Variants in GABRB2 observed in about 807,000 individuals in gnomAD.
The protein encoded by GABRB2 is gamma-aminobutyric acid receptor subunit beta-2.
In GABRB2, 16 loss-of-function variants were observed where a neutral mutation model predicts 54.7. That is an observed-to-expected ratio of 0.29 (90% CI 0.20 to 0.44). The LOEUF is 0.44. GABRB2 is among the 20% of genes least tolerant of loss of function. The probability of loss-of-function intolerance (pLI) is 1.00; values close to 1 mark genes in which losing one functional copy is unlikely to be tolerated. For missense variants in GABRB2, 355 were observed against 644.0 expected (o/e 0.55, Z 4.86); for synonymous variants, 244 against 233.8 (o/e 1.04, Z -0.40).
intron 9 of GABRB2, among the ~76,000 whole-genome samples, chr5:161,311,389 CAGAT>C (rs3024253): frequency 0.13 from 19,332 of 152,182 alleles, 1,727 homozygotes; most frequent in African/African-American, 0.22. Context: ...ATGTGCAACT[CAGAT>C]AGAGAAATCT....
At chr5:161,412,238 G>A (rs1384212024) in intron 4 of GABRB2, among the ~76,000 whole-genome samples, 1 of 152,186 alleles carries the variant, frequency 6.6e-6, no homozygotes, top group Non-Finnish European at 1.5e-5. Flanking sequence ...GTGCAGAATG[G>A]AAACATGTGA....
At chr5:161,428,418 C>G (rs917718452) in intron 4 of GABRB2, among the ~76,000 whole-genome samples, 2 of 151,796 alleles carry the variant, frequency 1.3e-5, no homozygotes, top group African/African-American at 2.4e-5. Flanking sequence ...ACTGGTTCAT[C>G]CTGCATATTT....
chr5:161,295,570 C>T (rs1757360088), intron 9 of GABRB2, among the ~76,000 whole-genome samples: 1 of 152,050 alleles, frequency 6.6e-6, no homozygotes, highest in East Asian at 1.9e-4. Flanking sequence ...TATATGGAAA[C>T]AAGGCATATA....
intron 9 of GABRB2, among the ~76,000 whole-genome samples, chr5:161,312,744 T>C (rs890966178): frequency 2.6e-5 from 4 of 152,182 alleles, no homozygotes; most frequent in Non-Finnish European, 5.9e-5. Flanking sequence ...ATTTGTATTA[T>C]TAGGCAAACA....
chr5:161,451,634 A>C (rs1286949511), intron 4 of GABRB2, among the ~76,000 whole-genome samples: 2 of 152,204 alleles, frequency 1.3e-5, no homozygotes, highest in Non-Finnish European at 2.9e-5. Context: ...TATAAAAACC[A>C]TAAGCCATAT....
At chr5:161,525,652 T>C (rs1760254961) in intron 3 of GABRB2, among the ~76,000 whole-genome samples, 3 of 151,428 alleles carry the variant, frequency 2.0e-5, no homozygotes, top group East Asian at 3.9e-4. Context: ...TAATGCATAA[T>C]AGCATGGGAT....
At chr5:161,396,142 G>C (rs912940697) in intron 5 of GABRB2, among the ~76,000 whole-genome samples, 2 of 152,140 alleles carry the variant, frequency 1.3e-5, no homozygotes, top group Admixed American at 6.6e-5. Flanking sequence ...TGCACACAAT[G>C]GTTAACCAAA....
chr5:161,310,649 ACACACATGCACACGCACGCG>A, intron 9 of GABRB2, among the ~76,000 whole-genome samples: 1 of 145,538 alleles, frequency 6.9e-6, no homozygotes. Flanking sequence ...TTTCGTGTAC[ACACACATGCACACGCACGCG>A]CACGCGCGCA....
At chr5:161,364,135 T>C (rs1284574025) in intron 5 of GABRB2, among the ~76,000 whole-genome samples, 1 of 151,986 alleles carries the variant, frequency 6.6e-6, no homozygotes, top group East Asian at 1.9e-4. Flanking sequence ...CCACACTATG[T>C]CATTTTTAAT....
intron 9 of GABRB2, among the ~76,000 whole-genome samples, chr5:161,299,364 C>T (rs183754422): frequency 4.1e-4 from 63 of 152,246 alleles, no homozygotes; most frequent in African/African-American, 1.4e-3. Context: ...AATGGCATGC[C>T]GTGAGTCTTC....
intron 8 of GABRB2, 34 bp from the exon 9 acceptor site, chr5:161,326,515 T>A (rs1181602845): frequency 6.2e-7 from 1 of 1,604,718 alleles, no homozygotes. Context: ...GCTAATTAAG[T>A]CGATTGATGC....
chr5:161,470,827 C>T lies in GABRB2; in HGVS notation c.238-10983G>A, dbSNP rs1758415821. On this transcript the variant is annotated intron_variant, in intron 3 of 9. Coordinates refer to ENST00000393959, the MANE Select transcript of GABRB2 (RefSeq NM_001371727.1). ...GAAACCTGAGATAAGGGGAAACTACCATACTATGCTCCCGAAGTCAGAAAC... is the reference window on the plus strand; with the variant it reads ...GAAACCTGAGATAAGGGGAAACTACTATACTATGCTCCCGAAGTCAGAAAC... Among the ~76,000 whole-genome samples the T allele has an allele frequency of 2.0e-5, 3 of 151,938 alleles. No individual in the cohort carries two copies. The South Asian group carries it at 6.2e-4, about 31-fold the overall frequency.
rs763386343 is a variant in GABRB2 at position 161,412,420 on chromosome 5, T to TC, written c.459-1364dup. ...CCGATTCCTTACCATCTCCACTGCC[T>TC]CCCCTCTGAGTCTACATCCCCGATG... On this transcript the variant is annotated intron_variant, in intron 4 of 9. Transcript: ENST00000393959. Among the ~76,000 whole-genome samples, 106 of 152,074 alleles carry TC rather than the reference T, an allele frequency of 7.0e-4. 1 individual carries two copies. The highest frequency in any genetic ancestry group is 1.4e-3 in the Non-Finnish European group (95 of 67,998).
At chr5:161,299,819 C>G (rs1372680015) in intron 9 of GABRB2, among the ~76,000 whole-genome samples, 1 of 152,132 alleles carries the variant, frequency 6.6e-6, no homozygotes, top group Non-Finnish European at 1.5e-5. Flanking sequence ...CTCAACAACT[C>G]TATAAGACAG....
chr5:161,301,883 G>C (rs1403660600), intron 9 of GABRB2, among the ~76,000 whole-genome samples: 1 of 152,162 alleles, frequency 6.6e-6, no homozygotes, highest in Non-Finnish European at 1.5e-5. Flanking sequence ...TCCTGACAAG[G>C]TTTTTTGGAG....
chr5:161,447,337 T>A (rs1757664086), intron 4 of GABRB2, among the ~76,000 whole-genome samples: 1 of 152,154 alleles, frequency 6.6e-6, no homozygotes, highest in Non-Finnish European at 1.5e-5. Context: ...CACAGATGCC[T>A]CCTAGTATTT....
intron 5 of GABRB2, among the ~76,000 whole-genome samples, chr5:161,383,254 T>A (rs183591324): frequency 6.6e-6 from 1 of 152,302 alleles, no homozygotes; most frequent in East Asian, 1.9e-4. Flanking sequence ...TTGATCAACA[T>A]GTCTTCATTT....
chr5:161,323,170 C>T (rs552530582), intron 9 of GABRB2, among the ~76,000 whole-genome samples: 12 of 151,690 alleles, frequency 7.9e-5, no homozygotes, highest in African/African-American at 2.4e-4. Flanking sequence ...TACAGGCGCC[C>T]GCCACCACAC....
At chr5:161,413,263 T>A (rs1419377571) in intron 4 of GABRB2, among the ~76,000 whole-genome samples, 1 of 152,150 alleles carries the variant, frequency 6.6e-6, no homozygotes, top group Non-Finnish European at 1.5e-5. Context: ...TTTATTACAT[T>A]ATTTCTCTTT....
Sources: gnomAD v4.1 joint callset for allele counts (sites outside exome capture counted in the v4.1 genomes callset) on GRCh38, gnomAD v4.1.1 for gene constraint, MANE v1.5 for transcripts, NCBI Gene and HGNC (gene_info 2026-07-23, HGNC 2026-07-21) for gene names.